Variants in HCFC2 observed in about 807,000 individuals in gnomAD.
HCFC2 encodes host cell factor 2.
Under a neutral mutation model 89.2 loss-of-function variants are expected in HCFC2, and 18 were observed. The ratio of observed to expected loss-of-function variants is 0.20; its 90% CI spans 0.14 to 0.30. The LOEUF is 0.30. HCFC2 is among the 10% of genes least tolerant of loss of function. HCFC2 has a pLI of 1.00. For missense variants in HCFC2, 578 were observed against 956.1 expected (o/e 0.60, Z 5.21); for synonymous variants, 308 against 335.7 (o/e 0.92, Z 0.90).
At chr12:104,091,424 A>G (rs1021511485) in intron 9 of HCFC2, among the ~76,000 whole-genome samples, 7 of 152,226 alleles carry the variant, frequency 4.6e-5, no homozygotes, top group Admixed American at 2.6e-4. Flanking sequence ...ACTTAGGAGA[A>G]GGCTCTTAGC....
chr12:104,075,707 A>G (rs991570438), intron 3 of HCFC2, among the ~76,000 whole-genome samples: 26 of 151,934 alleles, frequency 1.7e-4, no homozygotes, highest in Non-Finnish European at 3.2e-4. Flanking sequence ...CAGTCCTCCT[A>G]CCTCAGTCTC....
intron 3 of HCFC2, among the ~76,000 whole-genome samples, chr12:104,069,801 T>G (rs1015821308): frequency 1.3e-5 from 2 of 152,106 alleles, no homozygotes; most frequent in African/African-American, 4.8e-5. Context: ...CATCTAGGTT[T>G]TAAGCCCCGC....
In HCFC2 at chr12:104,104,669, T is replaced by C. The variant is rs2030041244; in HGVS notation, c.*1396T>C. ...TATATATGTGTGTTCCAGTTACTAA[T>C]TTAAAGTGTATAGAATATTTTAATA... is the stretch of plus-strand genomic sequence containing the variant. On this transcript the variant is annotated 3_prime_UTR_variant, in exon 15 of 15. Transcript: ENST00000229330. The C allele has an allele frequency of 6.6e-6, 1 of 152,034 alleles. No homozygotes were observed. Among genetic ancestry groups the C allele is most frequent in the Admixed American group, 6.5e-5 (1 of 15,272 alleles). 9.4% of individuals were successfully genotyped at this position (152,034 alleles called of 1,614,324 possible). A position where few individuals can be genotyped will look rare whatever the true frequency, so the allele number is the denominator to read the frequency against.
intron 3 of HCFC2, among the ~76,000 whole-genome samples, chr12:104,072,819 TA>T (rs1883366361): frequency 6.6e-6 from 1 of 151,966 alleles, no homozygotes; most frequent in South Asian, 2.1e-4. Flanking sequence ...ATTTTTTTTG[TA>T]TTTTTAGTAG....
intron 9 of HCFC2, among the ~76,000 whole-genome samples, chr12:104,092,729 A>G (rs1884057493): frequency 6.6e-6 from 1 of 151,944 alleles, no homozygotes; most frequent in African/African-American, 2.4e-5. Context: ...AGCTGAGATC[A>G]CACCATTGTA....
chr12:104,098,296 G>C (rs537518412), intron 12 of HCFC2, 47 bp from the exon 13 acceptor site: 2 of 1,500,086 alleles, frequency 1.3e-6, no homozygotes, highest in South Asian at 2.5e-5. Context: ...GAAATTTTTC[G>C]TATATTCAAT....
chr12:104,072,368 TAAA>T (rs35741120), intron 3 of HCFC2, among the ~76,000 whole-genome samples: 2 of 135,732 alleles, frequency 1.5e-5, no homozygotes, highest in Admixed American at 1.5e-4. Context: ...CAAGACTGTT[TAAA>T]AAAAAAAAAA....
intron 3 of HCFC2, among the ~76,000 whole-genome samples, chr12:104,076,229 C>T (rs1319685983): frequency 6.6e-6 from 1 of 152,244 alleles, no homozygotes; most frequent in Non-Finnish European, 1.5e-5. Context: ...AATCTTCCCA[C>T]CTCAGCCTCC....
chr12:104,088,241 T>G (rs917475667), intron 9 of HCFC2, among the ~76,000 whole-genome samples: 1 of 152,164 alleles, frequency 6.6e-6, no homozygotes, highest in Admixed American at 6.5e-5. Context: ...TTTAGGAAAA[T>G]GCCCAGGTAG....
intron 5 of HCFC2, among the ~76,000 whole-genome samples, chr12:104,081,954 A>T (rs1883700269): frequency 2.0e-5 from 3 of 151,358 alleles, no homozygotes; most frequent in African/African-American, 7.3e-5. Flanking sequence ...AAAAAAATAG[A>T]TCTGGTTGAC....
In HCFC2 at chr12:104,102,166, G is replaced by A; in HGVS notation, c.2064+13G>A. 6.2e-7 allele frequency: 1 copy of A among 1,604,824 alleles called. No individual in the cohort carries two copies. Among genetic ancestry groups the A allele is most frequent in the Non-Finnish European group, 8.5e-7 (1 of 1,173,790 alleles). On this transcript the variant is annotated intron_variant, in intron 14 of 14. Transcript: ENST00000229330. ...CAGAATTTCAAAGGTGAGACATCGG[G>A]TCAAGACTTGTTGGTGATTTTAAAT... is the stretch of plus-strand genomic sequence containing the variant.
intron 12 of HCFC2, among the ~76,000 whole-genome samples, chr12:104,097,387 C>T (rs1884207754): frequency 6.6e-6 from 1 of 152,060 alleles, no homozygotes; most frequent in South Asian, 2.1e-4. Context: ...TTTTGCCATG[C>T]ATCAGCCAGA....
intron 3 of HCFC2, among the ~76,000 whole-genome samples, chr12:104,075,815 C>T (rs1883476220): frequency 6.6e-6 from 1 of 152,054 alleles, no homozygotes; most frequent in African/African-American, 2.4e-5. Context: ...AATTTGAATG[C>T]TCATTAGTTC....
chr12:104,089,556 T>C (rs1249423807), intron 9 of HCFC2, among the ~76,000 whole-genome samples: 1 of 152,186 alleles, frequency 6.6e-6, no homozygotes, highest in Non-Finnish European at 1.5e-5. Flanking sequence ...AATGAACCCT[T>C]ACAGTTCAAA....
At position 104,103,108 on chromosome 12, in the gene HCFC2, G is replaced by A; in HGVS notation, c.2214G>A (p.Lys738=). The change falls in exon 15 of 15, where the codon AAG becomes AAA. Residue 738 remains lysine (K), a synonymous_variant. Transcript: ENST00000229330. Reference sequence around the variant, plus strand: ...TCATGAGGATTTATTGTGGTCTTAAGACATCATGTATAGTAACTGCTGGGC... The same window carrying A: ...TCATGAGGATTTATTGTGGTCTTAAAACATCATGTATAGTAACTGCTGGGC... ...LVFMRIYCGL[K]TSCIVTAGQL... is the part of the protein sequence containing the mutation. The A allele has an allele frequency of 6.2e-7, 1 of 1,614,070 alleles. No individual in the cohort carries two copies. The highest frequency in any genetic ancestry group is 8.5e-7 in the Non-Finnish European group (1 of 1,179,948).
intron 4 of HCFC2, 40 bp downstream of exon 4, chr12:104,079,693 T>A (rs1297144625): frequency 6.9e-7 from 1 of 1,447,546 alleles, no homozygotes; most frequent in South Asian, 1.2e-5. Flanking sequence ...TAGGGCAAAT[T>A]AAAAAATGCT....
intron 3 of HCFC2, among the ~76,000 whole-genome samples, chr12:104,072,963 A>G (rs1308110281): frequency 1.3e-5 from 2 of 151,094 alleles, no homozygotes; most frequent in African/African-American, 4.9e-5. Flanking sequence ...TCTTAATTTC[A>G]TTTCTGGATT....
At chr12:104,093,968 C>T (rs117997496) in intron 10 of HCFC2, among the ~76,000 whole-genome samples, 9 of 151,796 alleles carry the variant, frequency 5.9e-5, no homozygotes, top group Admixed American at 2.0e-4. Context: ...ATTTAAGAGA[C>T]GTTTAGAAGG....
At chr12:104,101,483 CAA>C (rs750210384) in intron 13 of HCFC2, among the ~76,000 whole-genome samples, 23 of 120,640 alleles carry the variant, frequency 1.9e-4, no homozygotes, top group Admixed American at 3.4e-4. Context: ...ACTCCGTCTC[CAA>C]AAAAAAAAAA....
Sources: gnomAD v4.1 joint callset for allele counts (sites outside exome capture counted in the v4.1 genomes callset) on GRCh38, gnomAD v4.1.1 for gene constraint, MANE v1.5 for transcripts, NCBI Gene and HGNC (gene_info 2026-07-23, HGNC 2026-07-21) for gene names.